TENM2: variants seen among roughly 807,000 people sequenced by gnomAD.
TENM2 encodes teneurin transmembrane protein 2, also known as teneurin-2.
Under a neutral mutation model 245.2 loss-of-function variants are expected in TENM2, and 52 were observed. The observed-to-expected ratio is 0.21, with a 90% confidence interval of 0.17 to 0.27. The LOEUF (loss-of-function observed/expected upper bound fraction) is 0.27. Among genes scored for constraint, TENM2 ranks in the 10% least tolerant of loss-of-function variants. The pLI, the probability that TENM2 is intolerant of heterozygous loss-of-function variation, is 1.00. For missense variants in TENM2, 3,046 were observed against 3,666.8 expected (o/e 0.83, Z 4.37); for synonymous variants, 1,363 against 1,438.9 (o/e 0.95, Z 1.19).
chr5:167,262,740 A>T, the TENM2 span, among the ~76,000 whole-genome samples: 2 of 152,254 alleles, frequency 1.3e-5, no homozygotes, highest in East Asian at 3.9e-4. Context: ...AGTATTAGTA[A>T]ATTTAAACCC....
intron 2 of TENM2, among the ~76,000 whole-genome samples, chr5:167,569,862 A>G (rs1010623511): frequency 1.3e-5 from 2 of 152,142 alleles, no homozygotes; most frequent in Non-Finnish European, 2.9e-5. Flanking sequence ...CAATTAGGAA[A>G]CAAATTTCAG....
At chr5:167,348,660 AC>A (rs1464680419) in intron 1 of TENM2, among the ~76,000 whole-genome samples, 1 of 152,154 alleles carries the variant, frequency 6.6e-6, no homozygotes, top group Non-Finnish European at 1.5e-5. Flanking sequence ...TATTCTTTTT[AC>A]CCTGATGGTT....
intron 9 of TENM2, among the ~76,000 whole-genome samples, chr5:168,105,850 T>TTAAAG: frequency 6.6e-6 from 1 of 152,342 alleles, no homozygotes; most frequent in Admixed American, 6.5e-5. Context: ...TCTCATTACT[T>TTAAAG]TAATGCTATT....
chr5:166,998,583 G>A, the TENM2 span, among the ~76,000 whole-genome samples: 3 of 152,170 alleles, frequency 2.0e-5, no homozygotes, highest in South Asian at 6.2e-4. Context: ...AACTCTAAAG[G>A]ACAAATATCT....
the TENM2 span, among the ~76,000 whole-genome samples, chr5:167,154,630 AG>A: frequency 6.6e-6 from 1 of 152,248 alleles, no homozygotes; most frequent in Non-Finnish European, 1.5e-5. Flanking sequence ...AATTTTCCAT[AG>A]GTTTAAAATG....
chr5:167,308,290 C>T (rs1452627323), intron 1 of TENM2, among the ~76,000 whole-genome samples: 1 of 152,198 alleles, frequency 6.6e-6, no homozygotes, highest in Non-Finnish European at 1.5e-5. Flanking sequence ...GGACAAGTCT[C>T]AGACAAGTCT....
At chr5:167,577,412 A>T (rs1023840917) in intron 2 of TENM2, among the ~76,000 whole-genome samples, 1 of 152,076 alleles carries the variant, frequency 6.6e-6, no homozygotes, top group Non-Finnish European at 1.5e-5. Flanking sequence ...TTCCTTCCTG[A>T]GGTGTGAAAT....
the TENM2 span, among the ~76,000 whole-genome samples, chr5:167,097,284 C>T: frequency 1.3e-5 from 2 of 152,272 alleles, no homozygotes; most frequent in South Asian, 2.1e-4. Flanking sequence ...CAAAGAACTG[C>T]ACAGAAACCA....
intron 5 of TENM2, among the ~76,000 whole-genome samples, chr5:168,041,234 G>A (rs1788156967): frequency 1.3e-5 from 2 of 152,234 alleles, no homozygotes; most frequent in Middle Eastern, 3.4e-3. Context: ...ATTGTCTTGG[G>A]CAAGTCTCTT....
rs1224063747 is a variant in TENM2, at chr5:168,257,638, A to G, written c.7433-2645A>G. ...TGATTTTTTTTTTTTTTTTTTTGTG[A>G]CGGAGTCTCACTCTGTTGCCAGGCT... On this transcript the variant is annotated intron_variant, in intron 27 of 28. Transcript: ENST00000518659. 4.0e-5 allele frequency among the ~76,000 whole-genome samples: 5 copies of G among 124,852 alleles called. No homozygotes were observed. The South Asian group carries it at 1.2e-3, about 31-fold the overall frequency. 81.9% of individuals were successfully genotyped at this position (124,852 alleles called of 152,430 possible). A position where few individuals can be genotyped will look rare whatever the true frequency, so the allele number is the denominator to read the frequency against.
chr5:167,970,919 G>A (rs1234591940), intron 4 of TENM2, among the ~76,000 whole-genome samples: 1 of 151,598 alleles, frequency 6.6e-6, no homozygotes, highest in Non-Finnish European at 1.5e-5. Flanking sequence ...GTGGCACTGG[G>A]GTGGGCTGGG....
At chr5:167,002,478 A>G in the TENM2 span, among the ~76,000 whole-genome samples, 3 of 152,194 alleles carry the variant, frequency 2.0e-5, no homozygotes, top group Admixed American at 2.0e-4. Context: ...AATCTGGAGT[A>G]AAATAAAATA....
intron 9 of TENM2, among the ~76,000 whole-genome samples, chr5:168,100,924 TA>T (rs11307488): frequency 0.28 from 38,084 of 138,332 alleles, 5,202 homozygotes; most frequent in Admixed American, 0.44. Context: ...CAAGTATAAT[TA>T]AAAAAAAAAA....
chr5:167,149,621 G>A, the TENM2 span, among the ~76,000 whole-genome samples: 1 of 152,008 alleles, frequency 6.6e-6, no homozygotes, highest in African/African-American at 2.4e-5. Flanking sequence ...TGCCATATTT[G>A]TCAGGTTTCT....
chr5:167,014,232 A>G, the TENM2 span, among the ~76,000 whole-genome samples: 2 of 151,554 alleles, frequency 1.3e-5, no homozygotes, highest in Non-Finnish European at 2.9e-5. Flanking sequence ...AAAGAATTAG[A>G]AATGGATGAT....
intron 2 of TENM2, among the ~76,000 whole-genome samples, chr5:167,736,727 G>T (rs1760827843): frequency 6.6e-6 from 1 of 151,660 alleles, no homozygotes; most frequent in Non-Finnish European, 1.5e-5. Flanking sequence ...CTGAAGAGAG[G>T]AATTTGGAGA....
At chr5:168,082,566 G>A (rs958276023) in intron 7 of TENM2, among the ~76,000 whole-genome samples, 15 of 152,122 alleles carry the variant, frequency 9.9e-5, no homozygotes, top group African/African-American at 3.6e-4. Flanking sequence ...CCATCTTTGT[G>A]GTTTTTGGTC....
intron 1 of TENM2, among the ~76,000 whole-genome samples, chr5:167,299,901 C>G (rs1355771889): frequency 6.6e-6 from 1 of 152,068 alleles, no homozygotes; most frequent in Admixed American, 6.5e-5. Context: ...GTATATGTGT[C>G]AGGTGGGAGG....
At chr5:168,120,807 G>A (rs1035234188) in intron 10 of TENM2, among the ~76,000 whole-genome samples, 2 of 152,128 alleles carry the variant, frequency 1.3e-5, no homozygotes, top group East Asian at 3.9e-4. Context: ...TAGTCATAAC[G>A]TTCAAACAAT....
Sources: allele counts gnomAD v4.1 joint callset (sites outside exome capture counted in the v4.1 genomes callset), GRCh38; gene constraint gnomAD v4.1.1; transcripts MANE v1.5; gene names NCBI Gene and HGNC (gene_info 2026-07-23, HGNC 2026-07-21).